Variants in GRID1 observed in about 807,000 individuals in gnomAD.
The protein encoded by GRID1 is glutamate ionotropic receptor delta type subunit 1, also known as glutamate receptor ionotropic, delta-1.
GRID1 carries 28 observed loss-of-function variants against 98.0 expected under a neutral mutation model. The observed-to-expected ratio is 0.29, with a 90% CI of 0.21 to 0.39. The LOEUF is 0.39. Ranked by LOEUF, GRID1 falls within the 10% of genes least tolerant of loss-of-function variation. The pLI is 1.00. For missense variants in GRID1, 1,111 were observed against 1,340.5 expected (o/e 0.83, Z 2.67); for synonymous variants, 553 against 538.5 (o/e 1.03, Z -0.37).
intron 3 of GRID1, among the ~76,000 whole-genome samples, chr10:86,140,407 T>C (rs1844994604): frequency 6.6e-6 from 1 of 152,250 alleles, no homozygotes. Flanking sequence ...AAACTCTCTC[T>C]GTACTAATTT....
At chr10:86,338,840 G>A (rs533598236) in intron 2 of GRID1, among the ~76,000 whole-genome samples, 6 of 152,236 alleles carry the variant, frequency 3.9e-5, no homozygotes, top group African/African-American at 1.4e-4. Flanking sequence ...TTACAGGTGT[G>A]AGCCACCGCG....
In GRID1 at chr10:86,002,206, G is replaced by A. The variant is rs534172463; in HGVS notation, c.727-85967C>T. Among the ~76,000 whole-genome samples the A allele has an allele frequency of 1.6e-4, 24 of 152,314 alleles. No individual in the cohort carries two copies. In the South Asian group the frequency reaches 2.9e-3, roughly 18 times the overall value. On this transcript the variant is annotated intron_variant, in intron 4 of 15. Coordinates refer to ENST00000327946, the MANE Select transcript of GRID1 (RefSeq NM_017551.3). ...GGGGTTAAGTCTTCAACACATCCAT[G>A]AGGTGATACAATTCAACCTAAAATA...
At chr10:86,044,547 C>A (rs112112034) in intron 4 of GRID1, among the ~76,000 whole-genome samples, 6,664 of 152,266 alleles carry the variant, frequency 0.044, 174 homozygotes, top group Middle Eastern at 0.068. Context: ...TTATAGCCCA[C>A]CTGGTTTTCC....
At chr10:86,364,473 A>G (rs1208277981) in intron 1 of GRID1, among the ~76,000 whole-genome samples, 1 of 152,232 alleles carries the variant, frequency 6.6e-6, no homozygotes, top group Non-Finnish European at 1.5e-5. Context: ...ACATGGTTCC[A>G]TAAATCCCAT....
chr10:86,357,860 A>T (rs1848553333), intron 2 of GRID1, among the ~76,000 whole-genome samples: 2 of 152,152 alleles, frequency 1.3e-5, no homozygotes, highest in African/African-American at 4.8e-5. Context: ...GACCAGGAAC[A>T]GCAGCTCTCT....
chr10:86,308,552 T>C (rs887871017), intron 2 of GRID1, among the ~76,000 whole-genome samples: 1 of 152,152 alleles, frequency 6.6e-6, no homozygotes, highest in Non-Finnish European at 1.5e-5. Flanking sequence ...AAGAGAAATC[T>C]ACTATGCTGC....
chr10:85,712,148 A>C (rs191611656), intron 12 of GRID1, among the ~76,000 whole-genome samples: 143 of 151,890 alleles, frequency 9.4e-4, no homozygotes, highest in African/African-American at 3.4e-3. Flanking sequence ...AAAATGGTAG[A>C]GCTAAGTCCT....
chr10:86,251,933 A>C (rs1266089375), intron 2 of GRID1, among the ~76,000 whole-genome samples: 1 of 152,212 alleles, frequency 6.6e-6, no homozygotes, highest in Non-Finnish European at 1.5e-5. Flanking sequence ...CATTGCCTAA[A>C]GGAGTCATCT....
intron 12 of GRID1, among the ~76,000 whole-genome samples, chr10:85,686,624 C>T (rs1224311900): frequency 1.3e-5 from 2 of 151,986 alleles, no homozygotes; most frequent in East Asian, 1.9e-4. Flanking sequence ...TACTTATACA[C>T]ATTCTGAAGA....
At chr10:86,267,183 C>T (rs1342835934) in intron 2 of GRID1, among the ~76,000 whole-genome samples, 1 of 152,244 alleles carries the variant, frequency 6.6e-6, no homozygotes, top group Non-Finnish European at 1.5e-5. Context: ...TCAGCCCCTG[C>T]AAGCTGGATA....
In GRID1 at chr10:86,146,074, GA is replaced by G. The variant is rs145254130; in HGVS notation, c.521-7051del. On this transcript the variant is annotated intron_variant, in intron 3 of 15. Coordinates refer to ENST00000327946, the MANE Select transcript of GRID1 (RefSeq NM_017551.3). Reference sequence around the variant, plus strand: ...TTTCTGAAAAGTAATTGAAGCGAAAGAAGACATTTCAAATTGCTTCCCCTAC... The same window carrying G: ...TTTCTGAAAAGTAATTGAAGCGAAAGAGACATTTCAAATTGCTTCCCCTAC... Among the ~76,000 whole-genome samples, 977 of 152,294 alleles carry G rather than the reference GA, an allele frequency of 6.4e-3. 15 individuals are homozygous for G. The highest frequency in any genetic ancestry group is 0.023 in the African/African-American group (938 of 41,554).
chr10:86,008,561 G>A (rs924641916), intron 4 of GRID1, among the ~76,000 whole-genome samples: 11 of 152,074 alleles, frequency 7.2e-5, no homozygotes, highest in Admixed American at 2.0e-4. Context: ...ATAAGAAAAG[G>A]ATCTTCTACC....
intron 4 of GRID1, among the ~76,000 whole-genome samples, chr10:85,944,944 TTA>T (rs1842037813): frequency 6.6e-6 from 1 of 152,218 alleles, no homozygotes; most frequent in Admixed American, 6.5e-5. Context: ...TGTTTTCATT[TTA>T]CTAATTTCTT....
chr10:85,669,761 C>T (rs1841064363), intron 12 of GRID1, among the ~76,000 whole-genome samples: 1 of 152,160 alleles, frequency 6.6e-6, no homozygotes, highest in Non-Finnish European at 1.5e-5. Flanking sequence ...CTGGAAGCCA[C>T]CTTTAATATT....
intron 2 of GRID1, among the ~76,000 whole-genome samples, chr10:86,228,755 C>A (rs1846399586): frequency 6.6e-6 from 1 of 152,162 alleles, no homozygotes; most frequent in Admixed American, 6.5e-5. Flanking sequence ...ATTCAGGGAG[C>A]TGGGTCACCC....
intron 3 of GRID1, among the ~76,000 whole-genome samples, chr10:86,198,569 C>T (rs538329255): frequency 1.3e-5 from 2 of 152,270 alleles, no homozygotes; most frequent in African/African-American, 2.4e-5. Context: ...TTAATCCACA[C>T]GTTAACCCCA....
chr10:85,829,109 C>T (rs188905719), intron 8 of GRID1, among the ~76,000 whole-genome samples: 40 of 152,180 alleles, frequency 2.6e-4, no homozygotes, highest in African/African-American at 9.2e-4. Context: ...GCGAATCCAC[C>T]ACAAATGGGT....
intron 4 of GRID1, among the ~76,000 whole-genome samples, chr10:86,085,574 G>C (rs912020975): frequency 6.6e-5 from 10 of 152,150 alleles, no homozygotes; most frequent in Non-Finnish European, 1.5e-4. Context: ...CCTCCTGCCT[G>C]ACCCCTAGGA....
chr10:85,893,945 T>C (rs1439083882), intron 5 of GRID1, among the ~76,000 whole-genome samples: 1 of 152,212 alleles, frequency 6.6e-6, no homozygotes, highest in African/African-American at 2.4e-5. Context: ...CCTGAGTGCC[T>C]CACTTGTCTC....
Sources: gnomAD v4.1 joint callset for allele counts (sites outside exome capture counted in the v4.1 genomes callset) on GRCh38, gnomAD v4.1.1 for gene constraint, MANE v1.5 for transcripts, NCBI Gene and HGNC (gene_info 2026-07-23, HGNC 2026-07-21) for gene names.